The following ERCC6 variants were observed in gnomAD, a reference collection of about 807,000 sequenced individuals.
ERCC6 encodes DNA excision repair protein ERCC-6.
In ERCC6, 116 loss-of-function variants were observed where a neutral mutation model predicts 158.7. The ratio of observed to expected loss-of-function variants is 0.73; its 90% confidence interval spans 0.63 to 0.85. The LOEUF is 0.85. ERCC6 is among the 40% of genes least tolerant of loss of function. The probability of loss-of-function intolerance (pLI) is 0.00; values close to 1 mark genes in which losing one functional copy is unlikely to be tolerated. For missense variants in ERCC6, 1,698 were observed against 1,799.4 expected (o/e 0.94, Z 1.02); for synonymous variants, 678 against 659.3 (o/e 1.03, Z -0.43).
At chr10:49,477,760 A>C (rs1321225671) in intron 11 of ERCC6, among the ~76,000 whole-genome samples, 1 of 152,096 alleles carries the variant, frequency 6.6e-6, no homozygotes, top group Admixed American at 6.5e-5. Context: ...CACCATCTGC[A>C]ATGCTCTGCC....
chr10:49,515,651 C>G (rs753622223), intron 5 of ERCC6: 8 of 1,614,088 alleles, frequency 5.0e-6, no homozygotes, highest in Admixed American at 1.7e-5. Context: ...CGAAACAGAA[C>G]AAAAGAGGGC....
At position 49,528,573 on chromosome 10, in the gene ERCC6, T is replaced by C. The variant is rs778904435; in HGVS notation, c.544-48A>G. 4.4e-6 allele frequency: 7 copies of C among 1,603,916 alleles called. No individual in the cohort carries two copies. The South Asian group carries it at 4.4e-5, about 10-fold the overall frequency. ...CAGAAAACAGCAATGAAGTGATTTA[T>C]TGTTAAATACAAAAGATAGCATTAT... is the stretch of plus-strand genomic sequence containing the variant. On this transcript the variant is annotated intron_variant, in intron 3 of 20. Coordinates refer to ENST00000355832, the MANE Select transcript of ERCC6 (RefSeq NM_000124.4).
chr10:49,440,613 T>C, the ERCC6 span, among the ~76,000 whole-genome samples: 2 of 152,260 alleles, frequency 1.3e-5, no homozygotes, highest in African/African-American at 4.8e-5. Context: ...TTTTGCTTAA[T>C]ATCTTGGTAA....
chr10:49,489,318 C>G (rs943628046), intron 8 of ERCC6, among the ~76,000 whole-genome samples: 6 of 152,174 alleles, frequency 3.9e-5, no homozygotes, highest in Non-Finnish European at 5.9e-5. Context: ...TTGTTTCTAA[C>G]AACAGCAAGA....
intron 7 of ERCC6, among the ~76,000 whole-genome samples, 184 bp from the exon 8 acceptor site, chr10:49,493,436 T>G (rs1851211571): frequency 6.6e-6 from 1 of 152,196 alleles, no homozygotes; most frequent in African/African-American, 2.4e-5. Flanking sequence ...AAGTAAAATC[T>G]CCATAATCTC....
intron 1 of ERCC6, among the ~76,000 whole-genome samples, chr10:49,538,602 G>A (rs896550055): frequency 6.6e-6 from 1 of 152,120 alleles, no homozygotes; most frequent in Admixed American, 6.5e-5. Context: ...CCAAAACGTC[G>A]GACGTACATC....
chr10:49,524,626 T>C lies in ERCC6; in HGVS notation c.804A>G (p.Ala268=), dbSNP rs777672678. 3.7e-6 allele frequency: 6 copies of C among 1,614,116 alleles called. No individual in the cohort carries two copies. Among genetic ancestry groups the C allele is most frequent in the Middle Eastern group, 3.3e-4 (2 of 6,084 alleles). Residue 268 remains alanine, a synonymous_variant, in exon 5 of 21, where the codon GCA becomes GCG. Transcript: ENST00000355832. ...CTGCCAAATACTTTTCGAAGCCTGA[T>C]GCTTCATTAAGCATGATTTTTCTGG... The part of the protein sequence containing the change: ...KKPRKIMLNE[A]SGFEKYLADQ...
intron 1 of ERCC6, among the ~76,000 whole-genome samples, chr10:49,533,647 T>C (rs1837525371): frequency 6.6e-6 from 1 of 151,732 alleles, no homozygotes; most frequent in Admixed American, 6.6e-5. Context: ...ACTAAAAATT[T>C]AAAACCTTAG....
intron 8 of ERCC6, 120 bp from the exon 9 acceptor site, chr10:49,483,636 C>G (rs966819122): frequency 2.1e-5 from 20 of 967,542 alleles, no homozygotes; most frequent in Admixed American, 3.9e-5. Context: ...TGCACAATCA[C>G]AGACATTATC....
intron 1 of ERCC6, among the ~76,000 whole-genome samples, chr10:49,537,487 C>CTA (rs200156549): frequency 0.11 from 15,590 of 145,010 alleles, 1,108 homozygotes; most frequent in East Asian, 0.37. Flanking sequence ...CATTTAAAAA[C>CTA]TATATATATA....
intron 5 of ERCC6, chr10:49,515,056 T>G: frequency 2.0e-6 from 1 of 491,652 alleles, no homozygotes; most frequent in East Asian, 6.2e-5. Flanking sequence ...AGTCTTCATT[T>G]GTGTCTCAGC....
At chr10:49,444,748 C>G in the ERCC6 span, among the ~76,000 whole-genome samples, 1 of 152,194 alleles carries the variant, frequency 6.6e-6, no homozygotes, top group East Asian at 1.9e-4. Context: ...AGGAACTCTT[C>G]TGAGAACATA....
At chr10:49,493,559 CT>C (rs1851213499) in intron 7 of ERCC6, among the ~76,000 whole-genome samples, 1 of 152,162 alleles carries the variant, frequency 6.6e-6, no homozygotes, top group Non-Finnish European at 1.5e-5. Context: ...CAAAAATACT[CT>C]TTTCCCTTCT....
intron 5 of ERCC6, among the ~76,000 whole-genome samples, chr10:49,514,650 C>T (rs1836896128): frequency 1.3e-5 from 2 of 152,180 alleles, no homozygotes; most frequent in African/African-American, 4.8e-5. Flanking sequence ...TACAGAGTGA[C>T]ATTTCAACCT....
At chr10:49,517,229 C>T in intron 5 of ERCC6, 1 of 1,424,092 alleles carries the variant, frequency 7.0e-7, no homozygotes, top group Non-Finnish European at 9.3e-7. Context: ...AATAATAATA[C>T]TTTCTGTATT....
Position 49,459,193 on chromosome 10 carries a change from C to A in ERCC6, c.4104G>T (p.Glu1368Asp), listed in dbSNP as rs568838614. ...CATCTTCTGCTCTTCCACTAAAATG[C>A]TCAGGGACATTATCTTTTCCCTCCT... ...MKKEGKDNVPEHFSGRAEDAD... is the reference protein window; with the variant it reads ...MKKEGKDNVPDHFSGRAEDAD... Residue 1368 changes from glutamate (E) to aspartate (D), a missense_variant, in exon 21 of 21, where the codon GAG becomes GAT. Physicochemically the swap from Glu to Asp is conservative, Grantham distance 45 (BLOSUM62 2). Coordinates refer to ENST00000355832, the MANE Select transcript of ERCC6 (RefSeq NM_000124.4). 3.7e-5 allele frequency: 60 copies of A among 1,614,196 alleles called. No individual in the cohort carries two copies. In the South Asian group the frequency reaches 6.5e-4, roughly 17 times the overall value.
chr10:49,436,212 A>G, the ERCC6 span, among the ~76,000 whole-genome samples: 2 of 152,174 alleles, frequency 1.3e-5, 1 homozygote, highest in South Asian at 4.1e-4. Flanking sequence ...AGCTGGATTA[A>G]GTACTTAAAT....
In ERCC6 at chr10:49,519,138, A is replaced by G. The variant is rs4253065; in HGVS notation, c.1397+4895T>C. 6.1e-3 allele frequency among the ~76,000 whole-genome samples: 927 copies of G among 152,252 alleles called. 4 individuals carry two copies. The highest frequency in any genetic ancestry group is 0.012 in the Admixed American group (181 of 15,294). On this transcript the variant is annotated intron_variant, in intron 5 of 20. Transcript: ENST00000355832. ...GGCTTAGGTTTTTGGTTTGGTTTTC[A>G]GTCCAATGGAGGTGGGGGCAGCTAT...
chr10:49,435,446 C>G, the ERCC6 span, among the ~76,000 whole-genome samples: 511 of 152,196 alleles, frequency 3.4e-3, 3 homozygotes, highest in African/African-American at 0.012. Context: ...TCAAGAAACA[C>G]CAAAATAGCC....
Sources: gnomAD v4.1 joint callset for allele counts (sites outside exome capture counted in the v4.1 genomes callset) on GRCh38, gnomAD v4.1.1 for gene constraint, MANE v1.5 for transcripts, NCBI Gene and HGNC (gene_info 2026-07-23, HGNC 2026-07-21) for gene names.